The following DLG2 variants were observed in gnomAD, a reference collection of about 807,000 sequenced individuals.
The protein encoded by DLG2 is discs large MAGUK scaffold protein 2.
Under a neutral mutation model 132.5 loss-of-function variants are expected in DLG2, and 45 were observed. The ratio of observed to expected loss-of-function variants is 0.34; its 90% CI spans 0.27 to 0.44. The LOEUF (loss-of-function observed/expected upper bound fraction) is 0.44, where lower values mean the gene tolerates loss of function less well. Ranked by LOEUF, DLG2 falls within the 20% of genes least tolerant of loss-of-function variation. DLG2 has a pLI of 1.00. For synonymous variants in DLG2, 424 were observed against 419.6 expected (o/e 1.01, Z -0.13); for missense variants, 1,045 against 1,196.9 (o/e 0.87, Z 1.87).
chr11:85,267,363 C>G (rs966411730), intron 4 of DLG2, among the ~76,000 whole-genome samples: 4 of 152,204 alleles, frequency 2.6e-5, no homozygotes, highest in African/African-American at 9.6e-5. Flanking sequence ...CCCACCCAGT[C>G]TATGGCATTC....
intron 6 of DLG2, among the ~76,000 whole-genome samples, chr11:84,759,594 G>A (rs1442655596): frequency 6.6e-6 from 1 of 152,134 alleles, no homozygotes; most frequent in Non-Finnish European, 1.5e-5. Flanking sequence ...CAAATGTTTT[G>A]AATGTAGTTA....
chr11:85,009,647 T>C (rs901357431), intron 6 of DLG2, among the ~76,000 whole-genome samples: 1 of 152,136 alleles, frequency 6.6e-6, no homozygotes, highest in Non-Finnish European at 1.5e-5. Context: ...TATTGAAACA[T>C]TTTATTGTAT....
chr11:84,461,692 A>C (rs781706593), intron 7 of DLG2, among the ~76,000 whole-genome samples: 5 of 151,054 alleles, frequency 3.3e-5, no homozygotes, highest in Non-Finnish European at 7.4e-5. Flanking sequence ...AAGAGTGAAG[A>C]ACACAAAATT....
chr11:84,293,533 GCATAGTGGCAGGCA>G (rs2098039069), intron 7 of DLG2, among the ~76,000 whole-genome samples: 2 of 152,226 alleles, frequency 1.3e-5, no homozygotes, highest in South Asian at 4.1e-4. Flanking sequence ...AATTAGCCGT[GCATAGTGGCAGGCA>G]CCTGTAATAT....
intron 8 of DLG2, among the ~76,000 whole-genome samples, chr11:84,172,226 A>T (rs1408147662): frequency 6.6e-6 from 1 of 152,222 alleles, no homozygotes; most frequent in Non-Finnish European, 1.5e-5. Flanking sequence ...TGAAGTTATA[A>T]TAAGACTGGT....
intron 4 of DLG2, among the ~76,000 whole-genome samples, chr11:85,261,284 G>C (rs147792735): frequency 4.1e-4 from 63 of 152,248 alleles, no homozygotes; most frequent in African/African-American, 1.5e-3. Flanking sequence ...TGTTGTGCTA[G>C]TTGTTTATTT....
intron 4 of DLG2, among the ~76,000 whole-genome samples, chr11:85,230,313 A>C (rs140292347): frequency 1.3e-5 from 2 of 151,794 alleles, no homozygotes; most frequent in Non-Finnish European, 2.9e-5. Flanking sequence ...GGTGATTTTT[A>C]TTTTTTGTGT....
chr11:83,981,768 T>G (rs1335885224), intron 11 of DLG2, among the ~76,000 whole-genome samples: 1 of 152,216 alleles, frequency 6.6e-6, no homozygotes, highest in African/African-American at 2.4e-5. Context: ...TAGGCTATAT[T>G]ATTTTTATAA....
At chr11:84,301,019 G>A (rs1015980944) in intron 7 of DLG2, among the ~76,000 whole-genome samples, 2 of 152,128 alleles carry the variant, frequency 1.3e-5, no homozygotes, top group South Asian at 2.1e-4. Context: ...TGCTGAATGA[G>A]TATTGACTGA....
At chr11:83,487,602 A>G (rs1379865434) in intron 21 of DLG2, among the ~76,000 whole-genome samples, 1 of 152,076 alleles carries the variant, frequency 6.6e-6, no homozygotes, top group African/African-American at 2.4e-5. Flanking sequence ...CTTCAAGTTT[A>G]TATTTAAAAT....
intron 7 of DLG2, among the ~76,000 whole-genome samples, chr11:84,370,572 TG>T (rs1195272450): frequency 2.6e-5 from 4 of 152,132 alleles, no homozygotes; most frequent in Non-Finnish European, 5.9e-5. Context: ...CAGTGTGTGG[TG>T]TACAGTAGGG....
At chr11:84,471,142 G>A (rs1270728155) in intron 7 of DLG2, among the ~76,000 whole-genome samples, 2 of 151,694 alleles carry the variant, frequency 1.3e-5, no homozygotes, top group Non-Finnish European at 2.9e-5. Context: ...CAACCCAGAT[G>A]GAACTGGGGT....
At chr11:84,625,041 T>C (rs976100979) in intron 6 of DLG2, among the ~76,000 whole-genome samples, 2 of 149,802 alleles carry the variant, frequency 1.3e-5, no homozygotes, top group African/African-American at 2.5e-5. Flanking sequence ...TTTGTATTTT[T>C]AGTAGAGACG....
chr11:84,484,621 C>T (rs868465661), intron 7 of DLG2, among the ~76,000 whole-genome samples: 1 of 152,180 alleles, frequency 6.6e-6, no homozygotes, highest in Non-Finnish European at 1.5e-5. Context: ...TCATCTCCAG[C>T]AGTATCTTGT....
intron 18 of DLG2, among the ~76,000 whole-genome samples, chr11:83,758,546 T>C (rs2093753163): frequency 6.6e-6 from 1 of 152,186 alleles, no homozygotes; most frequent in African/African-American, 2.4e-5. Context: ...AACCCAGCAC[T>C]GCTACTTAAT....
chr11:84,510,437 C>T (rs1238964299), intron 7 of DLG2, among the ~76,000 whole-genome samples: 2 of 152,012 alleles, frequency 1.3e-5, no homozygotes, highest in African/African-American at 4.8e-5. Flanking sequence ...AAGGGTTTGG[C>T]TCCAAATTAC....
chr11:83,493,717 T>G (rs1349620433), intron 21 of DLG2, among the ~76,000 whole-genome samples: 1 of 152,122 alleles, frequency 6.6e-6, no homozygotes, highest in Non-Finnish European at 1.5e-5. Flanking sequence ...ACTGATTATT[T>G]TCAATATCTC....
intron 7 of DLG2, among the ~76,000 whole-genome samples, chr11:84,341,568 G>A (rs565840946): frequency 1.6e-4 from 24 of 152,178 alleles, no homozygotes; most frequent in Non-Finnish European, 2.6e-4. Context: ...GTTTTCTGTA[G>A]TTCTGAAAAT....
At position 85,356,190 on chromosome 11, in the gene DLG2, TAC is replaced by T. The variant is rs375299931; in HGVS notation, c.41-70827_41-70826del. On this transcript the variant is annotated intron_variant, in intron 3 of 27. Transcript: ENST00000376104. ...TTTTTCTGGGAAATCATTCTCTAAA[TAC>T]ACAGTCTTCATCTTCAGCTGCTATA... is the stretch of plus-strand genomic sequence containing the variant. Among the ~76,000 whole-genome samples, 45 of 152,338 alleles carry T rather than the reference TAC, an allele frequency of 3.0e-4. No homozygotes were observed. The South Asian group carries it at 9.1e-3, about 31-fold the overall frequency.
Sources: gnomAD v4.1 joint callset for allele counts (sites outside exome capture counted in the v4.1 genomes callset) on GRCh38, gnomAD v4.1.1 for gene constraint, MANE v1.5 for transcripts, NCBI Gene and HGNC (gene_info 2026-07-23, HGNC 2026-07-21) for gene names.